The following KIF18A variants were observed in gnomAD, a reference collection of about 807,000 sequenced individuals.
The protein encoded by KIF18A is kinesin family member 18A, also known as kinesin-like protein KIF18A.
A neutral mutation model predicts 103.3 loss-of-function variants in KIF18A; 67 were observed. The observed-to-expected ratio is 0.65, with a 90% CI of 0.53 to 0.79. The LOEUF is 0.79. KIF18A is among the 30% of genes least tolerant of loss of function. The pLI is 0.00. For missense variants in KIF18A, 1,032 were observed against 1,062.5 expected (o/e 0.97, Z 0.40); for synonymous variants, 367 against 355.5 (o/e 1.03, Z -0.36).
At chr11:28,081,410 T>C (rs1322705463) in intron 9 of KIF18A, among the ~76,000 whole-genome samples, 1 of 152,166 alleles carries the variant, frequency 6.6e-6, no homozygotes. Context: ...TTGAAGTCGA[T>C]GTTCATTTAC....
At chr11:28,066,003 C>A (rs1850916820) in intron 11 of KIF18A, among the ~76,000 whole-genome samples, 1 of 151,946 alleles carries the variant, frequency 6.6e-6, no homozygotes, top group Non-Finnish European at 1.5e-5. Flanking sequence ...TTTCAAGACT[C>A]TTCTTGAGAA....
rs535012096 is a variant in KIF18A, at chr11:28,036,209, T to A, written c.2396+8A>T. 10 of 1,528,992 alleles carry A rather than the reference T, an allele frequency of 6.5e-6. No homozygotes were observed. The East Asian group carries it at 2.3e-4, about 35-fold the overall frequency. 94.7% of individuals were successfully genotyped at this position (1,528,992 alleles called of 1,614,324 possible). A position where few individuals can be genotyped will look rare whatever the true frequency, so the allele number is the denominator to read the frequency against. On this transcript the variant is annotated splice_region_variant and intron_variant, in intron 14 of 16. Coordinates refer to ENST00000263181, the MANE Select transcript of KIF18A (RefSeq NM_031217.4). ...AAAAAAGAATTGGCAAATATTATTT[T>A]TTTGTACCGTTGTAAAATGTCTTTG...
intron 9 of KIF18A, among the ~76,000 whole-genome samples, chr11:28,079,414 T>C (rs1851134377): frequency 6.6e-6 from 1 of 152,112 alleles, no homozygotes. Context: ...TCATTTTTAC[T>C]TATTTCTTAA....
At chr11:28,075,586 T>G (rs983394071) in intron 10 of KIF18A, among the ~76,000 whole-genome samples, 4 of 152,178 alleles carry the variant, frequency 2.6e-5, no homozygotes, top group Non-Finnish European at 4.4e-5. Flanking sequence ...TTATCTTTGA[T>G]TCCTTTATCT....
chr11:28,067,575 T>G (rs1264363035), intron 11 of KIF18A, among the ~76,000 whole-genome samples: 1 of 152,160 alleles, frequency 6.6e-6, no homozygotes, highest in Non-Finnish European at 1.5e-5. Flanking sequence ...TATAAAAAAA[T>G]TAGTACTTTT....
rs138589069 is a variant in KIF18A at position 28,045,670 on chromosome 11, T to C, written c.1949-9006A>G. Reference sequence around the variant, plus strand: ...TAGCAAAACCAGAGAAGAAATAAGGTGGCGGTGTTGTAAGTGAGCTAATTC... The same window carrying C: ...TAGCAAAACCAGAGAAGAAATAAGGCGGCGGTGTTGTAAGTGAGCTAATTC... On this transcript the variant is annotated intron_variant, in intron 13 of 16. Transcript: ENST00000263181. Among the ~76,000 whole-genome samples, 79 of 152,086 alleles carry C rather than the reference T, an allele frequency of 5.2e-4. 1 individual carries two copies. Among genetic ancestry groups the C allele is most frequent in the African/African-American group, 1.9e-3 (78 of 41,542 alleles).
intron 1 of KIF18A, among the ~76,000 whole-genome samples, chr11:28,103,512 G>C (rs995642374): frequency 1.3e-5 from 2 of 151,832 alleles, no homozygotes; most frequent in African/African-American, 4.8e-5. Flanking sequence ...TATATGATAC[G>C]GAAAGTCTTT....
chr11:28,033,472 C>G (rs561280845), intron 15 of KIF18A, among the ~76,000 whole-genome samples: 90 of 151,640 alleles, frequency 5.9e-4, no homozygotes, highest in African/African-American at 2.1e-3. Context: ...TGCCAATCAA[C>G]AGATGAATAG....
chr11:28,040,123 T>A (rs950905562), intron 13 of KIF18A, among the ~76,000 whole-genome samples: 1 of 151,922 alleles, frequency 6.6e-6, no homozygotes, highest in South Asian at 2.1e-4. Flanking sequence ...AACTAAATTT[T>A]ACTCTGAATA....
At chr11:28,097,569 T>C (rs1368632129) in intron 2 of KIF18A, 54 bp downstream of exon 2, 2 of 1,149,580 alleles carry the variant, frequency 1.7e-6, no homozygotes, top group Non-Finnish European at 2.6e-6. Flanking sequence ...ATGTCCGTCC[T>C]AATGCAAAAG....
intron 1 of KIF18A, among the ~76,000 whole-genome samples, chr11:28,103,230 C>A (rs1851467012): frequency 6.6e-6 from 1 of 151,506 alleles, no homozygotes; most frequent in Non-Finnish European, 1.5e-5. Flanking sequence ...ACTTTGTGAG[C>A]ACCAACATGA....
intron 15 of KIF18A, among the ~76,000 whole-genome samples, chr11:28,029,042 A>T (rs932862986): frequency 6.6e-6 from 1 of 151,972 alleles, no homozygotes; most frequent in Non-Finnish European, 1.5e-5. Context: ...AATTAATAGC[A>T]TACCAACCGA....
At chr11:28,088,072 C>A (rs901852293) in intron 6 of KIF18A, among the ~76,000 whole-genome samples, 1 of 151,918 alleles carries the variant, frequency 6.6e-6, no homozygotes, top group Non-Finnish European at 1.5e-5. Flanking sequence ...CATTTTATAA[C>A]TTAAACCCCC....
At chr11:28,031,697 CA>C (rs1850412289) in intron 15 of KIF18A, among the ~76,000 whole-genome samples, 1 of 150,960 alleles carries the variant, frequency 6.6e-6, no homozygotes, top group South Asian at 2.1e-4. Context: ...AAACAACTCT[CA>C]AAAAACTGGG....
intron 13 of KIF18A, among the ~76,000 whole-genome samples, chr11:28,057,665 A>T (rs569212700): frequency 6.6e-6 from 1 of 152,296 alleles, no homozygotes; most frequent in African/African-American, 2.4e-5. Flanking sequence ...AACATGATGC[A>T]TTAAAAAAAA....
chr11:28,085,097 C>T (rs1256545744), intron 6 of KIF18A, among the ~76,000 whole-genome samples: 1 of 152,032 alleles, frequency 6.6e-6, no homozygotes, highest in Admixed American at 6.6e-5. Flanking sequence ...TAGGAATAAC[C>T]GGCGGGTATG....
At chr11:28,025,514 T>G (rs1044995833) in intron 15 of KIF18A, among the ~76,000 whole-genome samples, 3 of 152,020 alleles carry the variant, frequency 2.0e-5, no homozygotes, top group Admixed American at 2.0e-4. Flanking sequence ...TACTTTTTAC[T>G]CATAGCATGT....
chr11:28,077,221 T>C (rs1199113651), intron 9 of KIF18A, 52 bp from the exon 10 acceptor site: 1 of 1,306,980 alleles, frequency 7.7e-7, no homozygotes, highest in South Asian at 1.4e-5. Context: ...TAGCAAATCA[T>C]ACAAAGTTTA....
chr11:28,074,778 GT>G (rs1028368109), intron 10 of KIF18A, among the ~76,000 whole-genome samples: 52 of 152,216 alleles, frequency 3.4e-4, no homozygotes, highest in African/African-American at 1.3e-3. Flanking sequence ...AAGAAAACAT[GT>G]TTGGGGTGGT....
Sources: gnomAD v4.1 joint callset for allele counts (sites outside exome capture counted in the v4.1 genomes callset) on GRCh38, gnomAD v4.1.1 for gene constraint, MANE v1.5 for transcripts, NCBI Gene and HGNC (gene_info 2026-07-23, HGNC 2026-07-21) for gene names.